Variants in CA14 observed in about 807,000 individuals in gnomAD.
The protein encoded by CA14 is carbonic anhydrase 14.
In CA14, 44 loss-of-function variants were observed where a neutral mutation model predicts 48.8. That is an observed-to-expected ratio of 0.90 (90% CI 0.71 to 1.16). The LOEUF is 1.16. Ranked by LOEUF, CA14 falls within the 50% of genes most tolerant of loss-of-function variation. The pLI, the probability that CA14 is intolerant of heterozygous loss-of-function variation, is 0.00. For missense variants in CA14, 386 were observed against 401.0 expected (o/e 0.96, Z 0.32); for synonymous variants, 154 against 155.0 (o/e 0.99, Z 0.05).
At position 150,262,162 on chromosome 1, in the gene CA14, A is replaced by G; in HGVS notation, c.261A>G (p.Gln87=). The G allele has an allele frequency of 6.2e-7, 1 of 1,613,974 alleles. No individual in the cohort carries two copies. Among genetic ancestry groups the G allele is most frequent in the Non-Finnish European group, 8.5e-7 (1 of 1,179,972 alleles). ...LDLHNNGHTV[Q]LSLPSTLYLG... is the part of the protein sequence containing the mutation. ...AGTTTGCTCTTTTCCTCACAGTGCA[A>G]CTCTCTCTGCCCTCTACCCTGTATC... The change falls in exon 4 of 11, where the codon CAA becomes CAG. Residue 87 remains glutamine, a synonymous_variant. Transcript: ENST00000369111.
chr1:150,263,975 G>C (rs1553848769), intron 10 of CA14, 97 bp downstream of exon 10: 1 of 837,244 alleles, frequency 1.2e-6, no homozygotes, highest in Non-Finnish European at 1.9e-6. Flanking sequence ...TCAGTCTGGA[G>C]TGCAGTGGTG....
Position 150,261,802 on chromosome 1 carries a change from TAAAC to T in CA14, c.256+172_256+175del, listed in dbSNP as rs139203174. Among the ~76,000 whole-genome samples, 211 of 152,262 alleles carry T rather than the reference TAAAC, an allele frequency of 1.4e-3. 1 individual carries two copies. The highest frequency in any genetic ancestry group is 0.013 in the East Asian group (66 of 5,178). ...TGGCACATTACCCATCTGACATAAATAAACAAACAAATAACCTCAGGAGTCAGAG... is the reference window on the plus strand; with the variant it reads ...TGGCACATTACCCATCTGACATAAATAAACAAATAACCTCAGGAGTCAGAG... On this transcript the variant is annotated intron_variant, in intron 3 of 10. Transcript: ENST00000369111.
At chr1:150,264,344 A>C (rs1430608246) in intron 10 of CA14, among the ~76,000 whole-genome samples, 2 of 152,108 alleles carry the variant, frequency 1.3e-5, no homozygotes, top group Non-Finnish European at 2.9e-5. Flanking sequence ...GTGGGACTAC[A>C]GGCATGTGCC....
intron 3 of CA14, 108 bp from the exon 4 acceptor site, chr1:150,262,050 G>T: frequency 7.7e-7 from 1 of 1,303,162 alleles, no homozygotes. Flanking sequence ...GGTGCTACTG[G>T]GGGAGAAAAC....
In CA14 at chr1:150,262,186, T is replaced by A; in HGVS notation, c.285T>A (p.Tyr95Ter). Residue 95 changes from tyrosine (Y) to a stop codon, truncating the protein, a stop_gained, in exon 4 of 11, where the codon TAT becomes TAA. Coordinates refer to ENST00000369111, the MANE Select transcript of CA14 (RefSeq NM_012113.3). LOFTEE classifies it high-confidence loss of function. ...AACTCTCTCTGCCCTCTACCCTGTA[T>A]CTGGGTGGACTTCCCCGAAAATATG... ...TVQLSLPSTL[Y>*]LGGLPRKYVA... The A allele has an allele frequency of 3.7e-6, 6 of 1,614,144 alleles. No homozygotes were observed. The highest frequency in any genetic ancestry group is 5.1e-6 in the Non-Finnish European group (6 of 1,180,004).
At chr1:150,262,482 G>T (rs1651128521) in intron 4 of CA14, 43 bp from the exon 5 acceptor site, 1 of 1,539,944 alleles carries the variant, frequency 6.5e-7, no homozygotes, top group African/African-American at 1.4e-5. Context: ...CCTTGAAGGG[G>T]GTGCAGACAT....
At chr1:150,258,582 G>A (rs1424643712) in intron 1 of CA14, among the ~76,000 whole-genome samples, 1 of 152,180 alleles carries the variant, frequency 6.6e-6, no homozygotes, top group Non-Finnish European at 1.5e-5. Context: ...ATAGATGGGG[G>A]TAGGGGGAAG....
chr1:150,263,559 G>A, intron 8 of CA14, 100 bp from the exon 9 acceptor site: 1 of 1,611,012 alleles, frequency 6.2e-7, no homozygotes, highest in South Asian at 1.1e-5. Flanking sequence ...CCCACCCCAG[G>A]GTGCCCCCGG....
Position 150,263,642 on chromosome 1 carries a change from AT to A in CA14, c.842-13del. The A allele has an allele frequency of 6.2e-7, 1 of 1,613,698 alleles. No homozygotes were observed. The highest frequency in any genetic ancestry group is 8.5e-7 in the Non-Finnish European group (1 of 1,179,854). On this transcript the variant is annotated splice_polypyrimidine_tract_variant and intron_variant, in intron 8 of 10. Transcript: ENST00000369111. ...TGGGGATCTGAAGTCCCACTGACCC[AT>A]TTTCTTCTCTTACAGCAGGATCCTC... is the stretch of plus-strand genomic sequence containing the variant.
chr1:150,257,796 C>G lies in CA14; in HGVS notation c.-333C>G, dbSNP rs1650668353. 5.8e-6 allele frequency: 1 copy of G among 173,612 alleles called. No homozygotes were observed. The highest frequency in any genetic ancestry group is 2.4e-5 in the African/African-American group (1 of 42,226). The allele number at this position is 173,612 out of a possible 1,614,324, so 10.8% of individuals were successfully genotyped here. On this transcript the variant is annotated 5_prime_UTR_variant, in exon 1 of 11. Coordinates refer to ENST00000369111, the MANE Select transcript of CA14 (RefSeq NM_012113.3). ...GGCAGCACCCCCGTCCCCACATACA[C>G]CAGTTCAGAGCCACCTTAAAAGCAG...
In CA14 at chr1:150,262,547, C is replaced by T; in HGVS notation, c.422C>T (p.Ser141Phe). The T allele has an allele frequency of 6.2e-7, 1 of 1,613,880 alleles. No homozygotes were observed. Residue 141 changes from serine to phenylalanine, a missense_variant, in exon 5 of 11, where the codon TCT becomes TTT. Ser to Phe is a radical substitution (Grantham distance 155, BLOSUM62 -2). Transcript: ENST00000369111. Reference protein sequence around the residue: ...FAELHIVHYDSDSYDSLSEAA... With the variant: ...FAELHIVHYDFDSYDSLSEAA... ...TAGCTCCACATTGTACATTATGACTCTGATTCCTATGACAGCTTGAGTGAG... is the reference window on the plus strand; with the variant it reads ...TAGCTCCACATTGTACATTATGACTTTGATTCCTATGACAGCTTGAGTGAG...
At position 150,263,761 on chromosome 1, in the gene CA14, T is replaced by G. The variant is rs781834758; in HGVS notation, c.863-33T>G. The G allele has an allele frequency of 3.7e-6, 6 of 1,609,032 alleles. No individual in the cohort carries two copies. The South Asian group carries it at 6.6e-5, about 18-fold the overall frequency. On this transcript the variant is annotated intron_variant, in intron 9 of 10. Coordinates refer to ENST00000369111, the MANE Select transcript of CA14 (RefSeq NM_012113.3). ...AAAGGCTCAAAATCTATGTTAGTCC[T>G]AGGCTGACACCTTTTACCTTTATCT...
intron 2 of CA14, chr1:150,260,473 T>TACA: frequency 2.0e-6 from 1 of 488,064 alleles, no homozygotes; most frequent in Non-Finnish European, 3.8e-6. Context: ...CTGCCAGGTC[T>TACA]CCTTCTGGCT....
rs781854917 is a variant in CA14, at chr1:150,263,171, A to G, written c.692A>G (p.Tyr231Cys). Residue 231 changes from tyrosine to cysteine, a missense_variant, in exon 7 of 11, where the codon TAT becomes TGT. Tyr to Cys is a radical substitution (Grantham distance 194, BLOSUM62 -2). Transcript: ENST00000369111. The part of the protein sequence containing the change: ...CYQSVLWTVF[Y>C]RRSQISMEQL... ...CAGAGTGTGCTCTGGACAGTTTTTT[A>G]TAGAAGGTCCCAGATTTCAATGGAA... 1 of 1,614,106 alleles carries G rather than the reference A, an allele frequency of 6.2e-7. No homozygotes were observed. The highest frequency in any genetic ancestry group is 8.5e-7 in the Non-Finnish European group (1 of 1,180,010).
chr1:150,260,077 A>T, intron 1 of CA14, 74 bp from the exon 2 acceptor site: 1 of 1,429,526 alleles, frequency 7.0e-7, no homozygotes, highest in Non-Finnish European at 9.8e-7. Context: ...AGAATGCCAG[A>T]GGGAGGGGAG....
chr1:150,258,022 C>CGCTT lies in CA14; in HGVS notation c.-104_-103insTGCT, dbSNP rs1650685825. On this transcript the variant is annotated 5_prime_UTR_variant, in exon 1 of 11. Coordinates refer to ENST00000369111, the MANE Select transcript of CA14 (RefSeq NM_012113.3). ...GATAAATACACTCACGCCAGGAGCT[C>CGCTT]GCTCGCTCTCTCTCTCTCTCTCTCA... is the stretch of plus-strand genomic sequence containing the variant. The CGCTT allele has an allele frequency of 1.4e-6, 1 of 729,646 alleles. No individual in the cohort carries two copies. The highest frequency in any genetic ancestry group is 2.9e-5 in the Admixed American group (1 of 34,260). The allele number at this position is 729,646 out of a possible 1,614,324, so 45.2% of individuals were successfully genotyped here.
At position 150,263,051 on chromosome 1, in the gene CA14, C is replaced by T. The variant is rs1254372875; in HGVS notation, c.572C>T (p.Thr191Ile). 10 of 1,614,080 alleles carry T rather than the reference C, an allele frequency of 6.2e-6. No individual in the cohort carries two copies. The South Asian group carries it at 1.1e-4, about 18-fold the overall frequency. ...LHEVRHKDQK[T>I]SVPPFNLREL... ...AGTCTGTTCTCCCCAGATCAGAAGA[C>T]CTCAGTGCCTCCCTTCAACCTAAGA... is the stretch of plus-strand genomic sequence containing the variant. Residue 191 changes from threonine (T) to isoleucine (I), a missense_variant, in exon 7 of 11, where the codon ACC (threonine) becomes ATC (isoleucine). Physicochemically the swap from Thr to Ile is moderately conservative, Grantham distance 89 (BLOSUM62 -1). Transcript: ENST00000369111.
At chr1:150,264,162 G>A (rs868960763) in intron 10 of CA14, among the ~76,000 whole-genome samples, 1 of 152,064 alleles carries the variant, frequency 6.6e-6, no homozygotes, top group Non-Finnish European at 1.5e-5. Flanking sequence ...CTGACCTCAG[G>A]CAATTCGCCT....
At chr1:150,260,655 G>C (rs1418410397) in intron 2 of CA14, 1 of 255,346 alleles carries the variant, frequency 3.9e-6, no homozygotes, top group Non-Finnish European at 7.7e-6. Flanking sequence ...CATGATAAAC[G>C]GTCAGTGTGA....
Sources: allele counts gnomAD v4.1 joint callset (sites outside exome capture counted in the v4.1 genomes callset), GRCh38; gene constraint gnomAD v4.1.1; transcripts MANE v1.5; gene names NCBI Gene and HGNC (gene_info 2026-07-23, HGNC 2026-07-21).